The following PLPPR1 variants were observed in gnomAD, a reference collection of about 807,000 sequenced individuals.
PLPPR1 encodes the protein phospholipid phosphatase related 1, also known as phospholipid phosphatase-related protein type 1.
A neutral mutation model predicts 33.1 loss-of-function variants in PLPPR1; 10 were observed. The observed-to-expected ratio is 0.30, with a 90% CI of 0.19 to 0.51. The LOEUF (loss-of-function observed/expected upper bound fraction) is 0.51. Ranked by LOEUF, PLPPR1 falls within the 20% of genes least tolerant of loss-of-function variation. PLPPR1 has a pLI of 0.97. For missense variants in PLPPR1, 304 were observed against 408.1 expected, an observed-to-expected ratio of 0.74 and a Z score of 2.20; for synonymous variants, 151 against 151.0, an observed-to-expected ratio of 1.00 and a Z score of 0.00.
At chr9:101,192,128 A>G (rs969685320) in intron 2 of PLPPR1, among the ~76,000 whole-genome samples, 1 of 152,188 alleles carries the variant, frequency 6.6e-6, no homozygotes. Flanking sequence ...TACCATTTCA[A>G]TGTTTCCCTT....
At chr9:101,259,540 C>T (rs1465854149) in intron 2 of PLPPR1, among the ~76,000 whole-genome samples, 1 of 152,146 alleles carries the variant, frequency 6.6e-6, no homozygotes, top group Non-Finnish European at 1.5e-5. Context: ...TGAGGGCCCT[C>T]TTGCTGGTTT....
chr9:101,135,932 G>A (rs1831372586), intron 1 of PLPPR1, among the ~76,000 whole-genome samples: 1 of 152,198 alleles, frequency 6.6e-6, no homozygotes, highest in Non-Finnish European at 1.5e-5. Context: ...GTTTATTTTA[G>A]ATGGCTATGC....
Position 101,216,744 on chromosome 9 carries a change from T to C in PLPPR1, c.63+31187T>C, listed in dbSNP as rs111310016. On this transcript the variant is annotated intron_variant, in intron 2 of 7. Coordinates refer to ENST00000374874, the MANE Select transcript of PLPPR1 (RefSeq NM_207299.2). The stretch of plus-strand genomic sequence containing the variant: ...ATATTTGGGGCCAGATAATTTTTTA[T>C]TGTGGATGCTGTCCTGTGCATTGTA... 1.1e-3 allele frequency among the ~76,000 whole-genome samples: 166 copies of C among 152,300 alleles called. 1 individual carries two copies. Among genetic ancestry groups the C allele is most frequent in the African/African-American group, 3.9e-3 (161 of 41,564 alleles).
chr9:101,061,819 C>G (rs1404058580), intron 1 of PLPPR1, among the ~76,000 whole-genome samples: 1 of 151,890 alleles, frequency 6.6e-6, no homozygotes, highest in African/African-American at 2.4e-5. Context: ...TGGTCAAGGT[C>G]TCTGGAAATC....
At position 101,312,824 on chromosome 9, in the gene PLPPR1, G is replaced by A. The variant is rs201316759; in HGVS notation, c.663G>A (p.Thr221=). 1.4e-4 allele frequency: 230 copies of A among 1,614,102 alleles called. 1 individual carries two copies. Among genetic ancestry groups the A allele is most frequent in the South Asian group, 1.3e-3 (117 of 91,076 alleles). The stretch of plus-strand genomic sequence containing the variant: ...TGTATATTACAAGCACAATCAAGAC[G>A]AAGAGCAGTCGACTGGCCAAGCCGG... ...ATMYITSTIK[T]KSSRLAKPVL... The change falls in exon 6 of 8, where the codon ACG becomes ACA. Residue 221 remains threonine (T), a synonymous_variant. Transcript: ENST00000374874.
rs144801361 is a variant in PLPPR1, at chr9:101,042,562, T to C, written c.-46+13460T>C. 4.3e-4 allele frequency among the ~76,000 whole-genome samples: 66 copies of C among 152,292 alleles called. 1 individual carries two copies. In the East Asian group the frequency reaches 0.012, roughly 28 times the overall value. On this transcript the variant is annotated intron_variant, in intron 1 of 7. Coordinates refer to ENST00000374874, the MANE Select transcript of PLPPR1 (RefSeq NM_207299.2). Reference sequence around the variant, plus strand: ...GGTTACCTGCCAAGGTAGATTCACCTTTCAAAGAGACCTGCTACTGAACAT... The same window carrying C: ...GGTTACCTGCCAAGGTAGATTCACCCTTCAAAGAGACCTGCTACTGAACAT...
intron 5 of PLPPR1, among the ~76,000 whole-genome samples, chr9:101,311,781 A>ATGGCCTGAG: frequency 6.6e-6 from 1 of 152,356 alleles, no homozygotes; most frequent in East Asian, 1.9e-4. Flanking sequence ...CAGGCCATAT[A>ATGGCCTGAG]CACATACTAT....
intron 1 of PLPPR1, among the ~76,000 whole-genome samples, chr9:101,182,792 A>G (rs904566228): frequency 1.3e-5 from 2 of 151,844 alleles, no homozygotes; most frequent in African/African-American, 4.8e-5. Context: ...AAACCTTTAC[A>G]CCTTGAAAAT....
intron 1 of PLPPR1, among the ~76,000 whole-genome samples, chr9:101,060,956 C>T (rs1830340215): frequency 1.3e-5 from 2 of 151,830 alleles, no homozygotes; most frequent in South Asian, 4.1e-4. Flanking sequence ...ATTTACCAAA[C>T]CAAACTCTGA....
intron 2 of PLPPR1, among the ~76,000 whole-genome samples, chr9:101,212,111 C>A (rs373010600): frequency 6.6e-6 from 1 of 152,070 alleles, no homozygotes; most frequent in Non-Finnish European, 1.5e-5. Context: ...GAGATGGAGT[C>A]TCGCTCTGTC....
At chr9:101,124,474 C>G (rs1215544918) in intron 1 of PLPPR1, among the ~76,000 whole-genome samples, 2 of 152,184 alleles carry the variant, frequency 1.3e-5, no homozygotes, top group Non-Finnish European at 2.9e-5. Context: ...GTTCCCATGT[C>G]ATGGGGATTG....
At chr9:101,248,257 T>C (rs746190717) in intron 2 of PLPPR1, among the ~76,000 whole-genome samples, 1 of 152,094 alleles carries the variant, frequency 6.6e-6, no homozygotes, top group Non-Finnish European at 1.5e-5. Flanking sequence ...AATGAAAAGA[T>C]ACCTGTCATG....
chr9:101,219,642 C>T (rs1417884361), intron 2 of PLPPR1, among the ~76,000 whole-genome samples: 1 of 152,182 alleles, frequency 6.6e-6, no homozygotes, highest in Non-Finnish European at 1.5e-5. Flanking sequence ...AACATTTTGA[C>T]TGTGCTGCTC....
intron 1 of PLPPR1, among the ~76,000 whole-genome samples, chr9:101,142,970 T>G (rs1028456256): frequency 6.6e-6 from 1 of 152,094 alleles, no homozygotes; most frequent in Non-Finnish European, 1.5e-5. Flanking sequence ...GTTCATAAAT[T>G]TATTGTGCAA....
At chr9:101,244,691 T>C (rs972770342) in intron 2 of PLPPR1, among the ~76,000 whole-genome samples, 3 of 151,952 alleles carry the variant, frequency 2.0e-5, no homozygotes, top group Non-Finnish European at 4.4e-5. Context: ...TGACATACAA[T>C]AAAATGCATC....
At chr9:101,208,701 G>A (rs187134997) in intron 2 of PLPPR1, among the ~76,000 whole-genome samples, 14 of 152,248 alleles carry the variant, frequency 9.2e-5, no homozygotes. Context: ...TTTCACAGCA[G>A]TCAGAAAAAG....
At chr9:101,119,030 G>T (rs1831146935) in intron 1 of PLPPR1, among the ~76,000 whole-genome samples, 1 of 152,090 alleles carries the variant, frequency 6.6e-6, no homozygotes. Context: ...AGAGTAAGTT[G>T]CTTCTCTCCA....
intron 1 of PLPPR1, among the ~76,000 whole-genome samples, chr9:101,052,501 A>G (rs924491529): frequency 5.9e-5 from 9 of 152,174 alleles, no homozygotes; most frequent in Non-Finnish European, 1.2e-4. Flanking sequence ...AGAAGCCACA[A>G]TCAAGGGCAT....
At chr9:101,311,223 G>A (rs1194708897) in intron 5 of PLPPR1, among the ~76,000 whole-genome samples, 1 of 152,146 alleles carries the variant, frequency 6.6e-6, no homozygotes, top group East Asian at 1.9e-4. Context: ...GGGCAAGAAA[G>A]AAGTAAATAT....
Sources: gnomAD v4.1 joint callset for allele counts (sites outside exome capture counted in the v4.1 genomes callset) on GRCh38, gnomAD v4.1.1 for gene constraint, MANE v1.5 for transcripts, NCBI Gene and HGNC (gene_info 2026-07-23, HGNC 2026-07-21) for gene names.